ILKAP: variants seen among roughly 807,000 people sequenced by gnomAD.
ILKAP encodes the protein integrin-linked kinase-associated serine/threonine phosphatase 2C.
A neutral mutation model predicts 49.1 loss-of-function variants in ILKAP; 11 were observed. The observed-to-expected ratio is 0.22, with a 90% CI of 0.14 to 0.37. ILKAP has a LOEUF of 0.37. Among genes scored for constraint, ILKAP ranks in the 10% least tolerant of loss-of-function variants. ILKAP has a pLI of 1.00. For synonymous variants in ILKAP, 186 were observed against 192.8 expected (o/e 0.96, Z 0.29); for missense variants, 363 against 510.8 (o/e 0.71, Z 2.79).
At chr2:238,181,748 G>A (rs535900586) in intron 9 of ILKAP, among the ~76,000 whole-genome samples, 106 of 151,688 alleles carry the variant, frequency 7.0e-4, no homozygotes, top group African/African-American at 2.0e-3. Flanking sequence ...TCAGCCTCCC[G>A]AGTAGCTGGG....
chr2:238,192,791 G>C (rs1351386131), intron 3 of ILKAP, among the ~76,000 whole-genome samples: 1 of 151,860 alleles, frequency 6.6e-6, no homozygotes, highest in Non-Finnish European at 1.5e-5. Flanking sequence ...GAGGCGGACA[G>C]ATCACAAGGT....
intron 9 of ILKAP, among the ~76,000 whole-genome samples, chr2:238,178,305 C>G (rs1433643923): frequency 6.6e-6 from 1 of 152,204 alleles, no homozygotes; most frequent in Admixed American, 6.5e-5. Flanking sequence ...TCTCAGCCAC[C>G]CGAGTGGCTG....
At chr2:238,184,888 A>C (rs572276872) in intron 6 of ILKAP, among the ~76,000 whole-genome samples, 1 of 152,278 alleles carries the variant, frequency 6.6e-6, no homozygotes, top group East Asian at 1.9e-4. Flanking sequence ...CATATAACAC[A>C]GTGCTATTTG....
intron 9 of ILKAP, among the ~76,000 whole-genome samples, chr2:238,178,927 A>G (rs1008431577): frequency 2.6e-5 from 4 of 152,182 alleles, no homozygotes; most frequent in African/African-American, 2.4e-5. Flanking sequence ...GAGTAGGACC[A>G]CAAGTGTGTG....
intron 9 of ILKAP, among the ~76,000 whole-genome samples, chr2:238,181,627 T>G (rs6747040): frequency 0.65 from 84,315 of 129,444 alleles, 24,310 homozygotes; most frequent in Middle Eastern, 0.72. Flanking sequence ...TTTTTTTGGT[T>G]TTTTTTTTTT....
intron 3 of ILKAP, among the ~76,000 whole-genome samples, chr2:238,193,128 A>C (rs1320496842): frequency 1.3e-5 from 2 of 152,254 alleles, no homozygotes; most frequent in Non-Finnish European, 2.9e-5. Context: ...ATTTTTTACT[A>C]CTTTGCCTTT....
At chr2:238,194,173 A>G in intron 3 of ILKAP, 102 bp downstream of exon 3, 1 of 971,128 alleles carries the variant, frequency 1.0e-6, no homozygotes, top group Non-Finnish European at 1.6e-6. Flanking sequence ...TTATGACTTA[A>G]TGTCATCCAA....
At chr2:238,201,284 C>T (rs1198149096) in intron 1 of ILKAP, among the ~76,000 whole-genome samples, 2 of 152,152 alleles carry the variant, frequency 1.3e-5, no homozygotes, top group Non-Finnish European at 2.9e-5. Context: ...TTGGTTGTAG[C>T]TAACAGCCTG....
Position 238,185,303 on chromosome 2 carries a change from G to C in ILKAP, c.426-16C>G, listed in dbSNP as rs1195410570. 1 of 1,505,986 alleles carries C rather than the reference G, an allele frequency of 6.6e-7. No homozygotes were observed. The highest frequency in any genetic ancestry group is 9.2e-7 in the Non-Finnish European group (1 of 1,083,762). The allele number at this position is 1,505,986 out of a possible 1,614,324, so 93.3% of individuals were successfully genotyped here. On this transcript the variant is annotated splice_polypyrimidine_tract_variant and intron_variant, in intron 5 of 11. Transcript: ENST00000254654. Reference sequence around the variant, plus strand: ...AACCCGAGTACTGAAAGAACGAATTGAGAGTTAATCAAATTCTCACAGCAA... The same window carrying C: ...AACCCGAGTACTGAAAGAACGAATTCAGAGTTAATCAAATTCTCACAGCAA...
At chr2:238,181,981 G>C in intron 9 of ILKAP, 84 bp downstream of exon 9, 2 of 1,439,794 alleles carry the variant, frequency 1.4e-6, no homozygotes. Context: ...CGTAACAGGG[G>C]AAGTTCTACT....
chr2:238,177,493 A>G (rs987301209), intron 9 of ILKAP, among the ~76,000 whole-genome samples: 2 of 152,154 alleles, frequency 1.3e-5, no homozygotes, highest in Admixed American at 6.6e-5. Flanking sequence ...ATTCCCCAGA[A>G]TTCATACCCC....
At chr2:238,187,292 GC>G (rs1693946598) in intron 5 of ILKAP, among the ~76,000 whole-genome samples, 1 of 152,160 alleles carries the variant, frequency 6.6e-6, no homozygotes, top group African/African-American at 2.4e-5. Flanking sequence ...ATGATCAGCT[GC>G]TCTGCAGCAG....
chr2:238,179,728 A>C (rs372195481), intron 9 of ILKAP, among the ~76,000 whole-genome samples: 1 of 152,192 alleles, frequency 6.6e-6, no homozygotes, highest in East Asian at 1.9e-4. Context: ...TCCCCCATAA[A>C]ACATTGCTAA....
intron 1 of ILKAP, among the ~76,000 whole-genome samples, chr2:238,199,196 G>A (rs573314188): frequency 3.9e-5 from 6 of 152,216 alleles, no homozygotes; most frequent in East Asian, 3.9e-4. Context: ...CCACTCATTC[G>A]ACCAGATCCT....
At chr2:238,174,435 G>A (rs939988132) in intron 9 of ILKAP, among the ~76,000 whole-genome samples, 1 of 152,214 alleles carries the variant, frequency 6.6e-6, no homozygotes, top group African/African-American at 2.4e-5. Flanking sequence ...TAAAGGCAAG[G>A]CAGAGAACCA....
At chr2:238,199,253 G>A (rs562193691) in intron 1 of ILKAP, among the ~76,000 whole-genome samples, 9 of 152,256 alleles carry the variant, frequency 5.9e-5, no homozygotes, top group South Asian at 2.1e-4. Flanking sequence ...GATAAGTGAC[G>A]CCACAATCAA....
At chr2:238,186,815 T>C (rs1693927100) in intron 5 of ILKAP, 1 of 152,124 alleles carries the variant, frequency 6.6e-6, no homozygotes, top group South Asian at 2.1e-4. Flanking sequence ...TCCTGAGCCA[T>C]GAGAAAAAAA....
intron 1 of ILKAP, among the ~76,000 whole-genome samples, chr2:238,195,388 C>G (rs1371194494): frequency 1.3e-5 from 2 of 151,932 alleles, no homozygotes; most frequent in East Asian, 3.9e-4. Context: ...GTCCCTAGCC[C>G]CAGCACAGTG....
At chr2:238,191,708 G>A (rs1027063821) in intron 3 of ILKAP, among the ~76,000 whole-genome samples, 5 of 151,958 alleles carry the variant, frequency 3.3e-5, no homozygotes, top group African/African-American at 1.2e-4. Flanking sequence ...AGAAGGTCAA[G>A]ACAAGCCTGA....
Sources: allele counts gnomAD v4.1 joint callset (sites outside exome capture counted in the v4.1 genomes callset), GRCh38; gene constraint gnomAD v4.1.1; transcripts MANE v1.5; gene names NCBI Gene and HGNC (gene_info 2026-07-23, HGNC 2026-07-21).